BLCAP: variants seen among roughly 807,000 people sequenced by gnomAD.
BLCAP encodes apoptosis inducing factor BLCAP.
A neutral mutation model predicts 5.7 loss-of-function variants in BLCAP; 1 was observed. The ratio of observed to expected loss-of-function variants is 0.18; its 90% CI spans 0.06 to 0.83. The LOEUF (loss-of-function observed/expected upper bound fraction) is 0.83, where lower values mean the gene tolerates loss of function less well. Among genes scored for constraint, BLCAP ranks in the 40% least tolerant of loss-of-function variants. The probability of loss-of-function intolerance (pLI) is 0.71; values close to 1 mark genes in which losing one functional copy is unlikely to be tolerated. For missense variants in BLCAP, 66 were observed against 107.6 expected, an observed-to-expected ratio of 0.61 and a Z score of 1.71; for synonymous variants, 48 against 49.4, an observed-to-expected ratio of 0.97 and a Z score of 0.11.
chr20:37,526,406 G>T (rs1601100986), intron 1 of BLCAP, among the ~76,000 whole-genome samples: 1 of 151,390 alleles, frequency 6.6e-6, no homozygotes. Flanking sequence ...CCAGAGACAC[G>T]TTGTCACCAT....
intron 1 of BLCAP, chr20:37,526,975 T>C (rs6066727): frequency 0.3 from 45,688 of 152,084 alleles, 8,817 homozygotes; most frequent in East Asian, 0.45. Context: ...CTGAAAGGGA[T>C]AGACGATCCA....
Position 37,521,423 on chromosome 20 carries a change from G to C in BLCAP, c.-176-2073C>G, listed in dbSNP as rs759555927. 6.2e-7 allele frequency: 1 copy of C among 1,612,644 alleles called. No homozygotes were observed. Among genetic ancestry groups the C allele is most frequent in the Non-Finnish European group, 8.5e-7 (1 of 1,178,654 alleles). On this transcript the variant is annotated intron_variant, in intron 1 of 1. Coordinates refer to ENST00000373537, the MANE Select transcript of BLCAP (RefSeq NM_006698.4). The surrounding 1 kb of genome is among the most constrained non-coding windows in gnomAD (Gnocchi z 4.5). ...CTGCAGGTAAGTCTGACGGGGTTTC[G>C]GGTGGGAGAGGGTTCCCAACTCGCG...
At chr20:37,526,354 A>G (rs2071721159) in intron 1 of BLCAP, among the ~76,000 whole-genome samples, 1 of 148,358 alleles carries the variant, frequency 6.7e-6, no homozygotes, top group South Asian at 2.2e-4. Context: ...TCAAACAACA[A>G]TCTCTTTTCC....
Position 37,521,496 on chromosome 20 carries a change from G to T in BLCAP, c.-176-2146C>A. On this transcript the variant is annotated intron_variant, in intron 1 of 1. Coordinates refer to ENST00000373537, the MANE Select transcript of BLCAP (RefSeq NM_006698.4). The surrounding 1 kb of genome is among the most constrained non-coding windows in gnomAD (Gnocchi z 4.5). Reference sequence around the variant, plus strand: ...GTCGCGATTGCCGCTTCCCGGACCCGTCCTATTCCGATTGCCGCGATCCTT... The same window carrying T: ...GTCGCGATTGCCGCTTCCCGGACCCTTCCTATTCCGATTGCCGCGATCCTT... The T allele has an allele frequency of 7.8e-7, 1 of 1,279,142 alleles. No individual in the cohort carries two copies. 79.2% of individuals were successfully genotyped at this position (1,279,142 alleles called of 1,614,324 possible).
At chr20:37,526,161 TG>T (rs1423723051) in intron 1 of BLCAP, among the ~76,000 whole-genome samples, 1 of 152,126 alleles carries the variant, frequency 6.6e-6, no homozygotes, top group African/African-American at 2.4e-5. Flanking sequence ...GGATTACTGT[TG>T]GATCGGGGAG....
chr20:37,523,092 G>A (rs919087367), intron 1 of BLCAP: 2 of 267,284 alleles, frequency 7.5e-6, no homozygotes, highest in Non-Finnish European at 1.4e-5. Flanking sequence ...TCCCAGCCCC[G>A]AAGCCAGGGC....
chr20:37,525,059 G>T (rs1298757520), intron 1 of BLCAP, among the ~76,000 whole-genome samples: 1 of 152,194 alleles, frequency 6.6e-6, no homozygotes, highest in South Asian at 2.1e-4. Context: ...TAGCCTGAAG[G>T]TGAGGCAGGT....
At chr20:37,522,202 AAAAAT>A (rs1262201664) in intron 1 of BLCAP, among the ~76,000 whole-genome samples, 1 of 150,804 alleles carries the variant, frequency 6.6e-6, no homozygotes, top group African/African-American at 2.4e-5. Context: ...TAATAATAAA[AAAAAT>A]AAAAAAGAGG....
intron 1 of BLCAP, among the ~76,000 whole-genome samples, chr20:37,520,766 C>G (rs1042022396): frequency 2.0e-5 from 3 of 152,196 alleles, no homozygotes; most frequent in Non-Finnish European, 2.9e-5. Context: ...AAAACTCATT[C>G]AGTATCAGGA....
intron 1 of BLCAP, among the ~76,000 whole-genome samples, chr20:37,524,925 G>A (rs2071693336): frequency 6.6e-6 from 1 of 152,190 alleles, no homozygotes; most frequent in Admixed American, 6.5e-5. Flanking sequence ...CCTTTGAGAT[G>A]CCAGTGAACC....
Position 37,518,771 on chromosome 20 carries a change from A to C in BLCAP, c.*140T>G. On this transcript the variant is annotated 3_prime_UTR_variant, in exon 2 of 2. Coordinates refer to ENST00000373537, the MANE Select transcript of BLCAP (RefSeq NM_006698.4). ...TGCCATTATTCACATTGTAAGGATA[A>C]AACATCACAGGCCAAAAAGGCGCCG... 1 of 1,217,016 alleles carries C rather than the reference A, an allele frequency of 8.2e-7. No homozygotes were observed. Among genetic ancestry groups the C allele is most frequent in the Non-Finnish European group, 1.1e-6 (1 of 874,526 alleles). 75.4% of individuals were successfully genotyped at this position (1,217,016 alleles called of 1,614,324 possible).
At position 37,522,653 on chromosome 20, in the gene BLCAP, G is replaced by A. The variant is rs768932833; in HGVS notation, c.-176-3303C>T. On this transcript the variant is annotated intron_variant, in intron 1 of 1. Transcript: ENST00000373537. Reference sequence around the variant, plus strand: ...GCTCTCCACTAAGGGTGGGTCCTGGGTTTCTCGTCGCAGGTGTTCAGGTAC... The same window carrying A: ...GCTCTCCACTAAGGGTGGGTCCTGGATTTCTCGTCGCAGGTGTTCAGGTAC... 4.4e-6 allele frequency: 7 copies of A among 1,606,318 alleles called. No homozygotes were observed. The South Asian group carries it at 4.5e-5, about 10-fold the overall frequency.
rs1289936647 is a variant in BLCAP, at chr20:37,518,078, G to A, written c.*833C>T. The stretch of plus-strand genomic sequence containing the variant: ...CAGGTACTCTCCCACTCACTCAGCT[G>A]GGGACTGCTAGAACTACGTGAACAC... On this transcript the variant is annotated 3_prime_UTR_variant, in exon 2 of 2. Transcript: ENST00000373537. The A allele has an allele frequency of 7.2e-5, 11 of 152,426 alleles. No individual in the cohort carries two copies. The highest frequency in any genetic ancestry group is 7.2e-4 in the Admixed American group (11 of 15,280). 9.4% of individuals were successfully genotyped at this position (152,426 alleles called of 1,614,324 possible).
chr20:37,522,259 G>C, intron 1 of BLCAP: 1 of 796,800 alleles, frequency 1.3e-6, no homozygotes, highest in East Asian at 2.6e-5. Context: ...AGAAGAAAGC[G>C]CTTTGCCCAT....
chr20:37,522,598 G>GGGGGGGGGGGGGGGGGGGGGGGGGGCCC, intron 1 of BLCAP: 5 of 864,354 alleles, frequency 5.8e-6, no homozygotes, highest in African/African-American at 1.8e-5. Flanking sequence ...GCGGGGGTGG[G>GGGGGGGGGGGGGGGGGGGGGGGGGGCCC]CACGGCAGCA....
Position 37,521,604 on chromosome 20 carries a change from C to T in BLCAP, c.-176-2254G>A. ...CTCCTCGCGCTGACCCTCCCTAGTG[C>T]GCCCGCGCCTGCCAGGGAACAAAGA... is the stretch of plus-strand genomic sequence containing the variant. On this transcript the variant is annotated intron_variant, in intron 1 of 1. Transcript: ENST00000373537. This position sits in a 1 kb window ranked among gnomAD's most constrained non-coding sequence, Gnocchi z 4.5. 1.7e-6 allele frequency: 1 copy of T among 575,296 alleles called. No homozygotes were observed. Among genetic ancestry groups the T allele is most frequent in the Non-Finnish European group, 3.1e-6 (1 of 324,972 alleles). 35.6% of individuals were successfully genotyped at this position (575,296 alleles called of 1,614,324 possible).
At chr20:37,520,095 T>C (rs3795148) in intron 1 of BLCAP, 113,226 of 152,262 alleles carry the variant, frequency 0.74, 42,468 homozygotes, top group East Asian at 0.87. Context: ...TGGCACTGTA[T>C]AGAACCTGAC....
Position 37,521,273 on chromosome 20 carries a change from A to G in BLCAP, c.-176-1923T>C. Reference sequence around the variant, plus strand: ...GCAGTGCGCCCAACAGCGGACTCCGAGACCAGCGGATCTCGGCAAACCCTC... The same window carrying G: ...GCAGTGCGCCCAACAGCGGACTCCGGGACCAGCGGATCTCGGCAAACCCTC... On this transcript the variant is annotated intron_variant, in intron 1 of 1. Coordinates refer to ENST00000373537, the MANE Select transcript of BLCAP (RefSeq NM_006698.4). The surrounding 1 kb of genome is among the most constrained non-coding windows in gnomAD (Gnocchi z 4.5). 1 of 1,576,498 alleles carries G rather than the reference A, an allele frequency of 6.3e-7. No individual in the cohort carries two copies. Among genetic ancestry groups the G allele is most frequent in the Non-Finnish European group, 8.7e-7 (1 of 1,146,304 alleles).
In BLCAP at chr20:37,517,581, T is replaced by A. The variant is rs564874062; in HGVS notation, c.*1330A>T. 1 of 152,228 alleles carries A rather than the reference T, an allele frequency of 6.6e-6. No individual in the cohort carries two copies. Among genetic ancestry groups the A allele is most frequent in the African/African-American group, 2.4e-5 (1 of 41,334 alleles). The allele number at this position is 152,228 out of a possible 1,614,324, so 9.4% of individuals were successfully genotyped here. ...GTTCTCTGCCTGGCCCATCTCTCTT[T>A]CCCCTCAGGCAAGAGAGAGATGGAT... On this transcript the variant is annotated 3_prime_UTR_variant, in exon 2 of 2. Transcript: ENST00000373537.
Sources: allele counts gnomAD v4.1 joint callset (sites outside exome capture counted in the v4.1 genomes callset), GRCh38; gene constraint gnomAD v4.1.1; non-coding constraint Gnocchi (gnomAD v3.1); transcripts MANE v1.5; gene names NCBI Gene and HGNC (gene_info 2026-07-23, HGNC 2026-07-21).